The following NOTCH1 variants were observed in gnomAD, a reference collection of about 807,000 sequenced individuals.
The protein encoded by NOTCH1 is neurogenic locus notch homolog protein 1.
A neutral mutation model predicts 254.8 loss-of-function variants in NOTCH1; 37 were observed. The observed-to-expected ratio is 0.15, with a 90% confidence interval of 0.11 to 0.19. NOTCH1 has a LOEUF of 0.19. Among genes scored for constraint, NOTCH1 ranks in the 10% least tolerant of loss-of-function variants. NOTCH1 has a pLI of 1.00. For missense variants in NOTCH1, 2,972 were observed against 3,708.6 expected (o/e 0.80, Z 5.16); for synonymous variants, 1,731 against 1,618.1 (o/e 1.07, Z -1.68).
rs758471372 is a variant in NOTCH1 at position 136,508,312 on chromosome 9, C to T, written c.3245G>A (p.Arg1082His). 3.3e-5 allele frequency: 53 copies of T among 1,612,954 alleles called. No homozygotes were observed. The highest frequency in any genetic ancestry group is 3.3e-4 in the Middle Eastern group (2 of 6,058). ...GKCWQTHTQYRCECPSGWTGL... is the reference protein window; with the variant it reads ...GKCWQTHTQYHCECPSGWTGL... ...GGTCCAGCCGCTGGGGCACTCGCAG[C>T]GGTACTGGGTGTGGGTCTGCCAGCA... is the stretch of plus-strand genomic sequence containing the variant. Residue 1082 changes from arginine to histidine, a missense_variant, in exon 20 of 34, where the codon CGC (arginine) becomes CAC (histidine). Physicochemically the swap from Arg to His is conservative, Grantham distance 29. This residue lies in a region of NOTCH1 where 1,343 missense variants were observed against 1,557.0 expected (regional missense o/e 0.86). Transcript: ENST00000651671.
chr9:136,532,008 C>G (rs547162439), intron 2 of NOTCH1, among the ~76,000 whole-genome samples: 1 of 152,242 alleles, frequency 6.6e-6, no homozygotes, highest in Admixed American at 6.5e-5. Context: ...TACTGGCCCA[C>G]TGTGCCCCTG....
At chr9:136,508,739 C>T (rs1420590995) in intron 19 of NOTCH1, 131 bp downstream of exon 19, 1 of 890,222 alleles carries the variant, frequency 1.1e-6, no homozygotes, top group Non-Finnish European at 1.7e-6. Context: ...TCCCCAGAAA[C>T]CCTCTGCCCG....
chr9:136,497,447 G>A lies in NOTCH1; in HGVS notation c.6292C>T (p.Arg2098Cys), dbSNP rs765618237. Residue 2098 changes from arginine to cysteine, a missense_variant, in exon 34 of 34, where the codon CGC becomes TGC. Arg to Cys is a radical substitution (Grantham distance 180, BLOSUM62 -3). Transcript: ENST00000651671. ...DITDHMDRLP[R>C]DIAQERMHHD... is the part of the protein sequence containing the mutation. The stretch of plus-strand genomic sequence containing the variant: ...TGCATGCGCTCCTGTGCGATGTCGC[G>A]CGGCAGGCGGTCCATATGATCCGTG... The A allele has an allele frequency of 6.2e-6, 10 of 1,612,368 alleles. No individual in the cohort carries two copies. Among genetic ancestry groups the A allele is most frequent in the East Asian group, 2.2e-5 (1 of 44,876 alleles).
At chr9:136,518,459 G>A (rs532088682) in intron 6 of NOTCH1, 132 bp downstream of exon 6, 20 of 1,114,406 alleles carry the variant, frequency 1.8e-5, no homozygotes, top group African/African-American at 1.4e-4. Flanking sequence ...AGCGACCACC[G>A]GCCTCCCTGA....
chr9:136,496,322 C>T lies in NOTCH1; in HGVS notation c.7417G>A (p.Val2473Ile), dbSNP rs1358523874. ...ALPTSLPSSLVPPVTAAQFLT... is the reference protein window; with the variant it reads ...ALPTSLPSSLIPPVTAAQFLT... ...AACTGGGCTGCGGTCACGGGTGGGA[C>T]CAGCGAGGATGGCAGCGACGTGGGC... The change falls in exon 34 of 34, where the codon GTC becomes ATC. Residue 2473 changes from valine (V) to isoleucine (I), a missense_variant. By Grantham distance (29) the Val-to-Ile change is conservative (BLOSUM62 3). Transcript: ENST00000651671. The T allele has an allele frequency of 4.4e-6, 7 of 1,595,044 alleles. No individual in the cohort carries two copies. Among genetic ancestry groups the T allele is most frequent in the African/African-American group, 1.3e-5 (1 of 74,734 alleles).
intron 2 of NOTCH1, among the ~76,000 whole-genome samples, chr9:136,534,289 A>G (rs972506579): frequency 6.6e-6 from 1 of 152,208 alleles, no homozygotes; most frequent in African/African-American, 2.4e-5. Flanking sequence ...TGTCAACAGA[A>G]TGTCAAGGGG....
rs757448266 is a variant in NOTCH1 at position 136,500,858 on chromosome 9, A to G, written c.5639-11T>C. The G allele has an allele frequency of 8.2e-6, 13 of 1,581,932 alleles. No individual in the cohort carries two copies. Among genetic ancestry groups the G allele is most frequent in the Middle Eastern group, 2.1e-4 (1 of 4,706 alleles). On this transcript the variant is annotated splice_polypyrimidine_tract_variant and intron_variant, in intron 30 of 33. Transcript: ENST00000651671. Reference sequence around the variant, plus strand: ...GCGGGGTGAAGCCATCTGCAGAGGCAGAGACGGGTGCTCAGTCTGGAGGGC... The same window carrying G: ...GCGGGGTGAAGCCATCTGCAGAGGCGGAGACGGGTGCTCAGTCTGGAGGGC...
chr9:136,498,790 G>A lies in NOTCH1; in HGVS notation c.6180+109C>T, dbSNP rs113566917. On this transcript the variant is annotated intron_variant, in intron 33 of 33. Transcript: ENST00000651671. ...CCCACATGCGGGCCCAGCGACCCTCGAGACCCTGTGGGTCAGGCCCTTGTG... is the reference window on the plus strand; with the variant it reads ...CCCACATGCGGGCCCAGCGACCCTCAAGACCCTGTGGGTCAGGCCCTTGTG... 8.1e-5 allele frequency: 107 copies of A among 1,326,434 alleles called. No homozygotes were observed. In the African/African-American group the frequency reaches 1.2e-3, roughly 15 times the overall value. 82.2% of individuals were successfully genotyped at this position (1,326,434 alleles called of 1,614,324 possible).
At chr9:136,520,694 C>T (rs893975065) in intron 4 of NOTCH1, among the ~76,000 whole-genome samples, 7 of 151,104 alleles carry the variant, frequency 4.6e-5, no homozygotes, top group African/African-American at 1.5e-4. Context: ...GCTGAGGGCA[C>T]GTCACTGTAC....
chr9:136,502,454 C>G lies in NOTCH1; in HGVS notation c.5202G>C (p.Leu1734=). The G allele has an allele frequency of 6.3e-7, 1 of 1,598,254 alleles. No homozygotes were observed. Among genetic ancestry groups the G allele is most frequent in the South Asian group, 1.1e-5 (1 of 90,344 alleles). ...CGGCCGCCGCCACGTACATGAAGTG[C>G]AGCTGCGCCGGCGGGGGCGGCTCCA... ...ETVEPPPPAQ[L]HFMYVAAAAF... Residue 1734 remains leucine (L), a synonymous_variant, in exon 28 of 34, where the codon CTG becomes CTC. Transcript: ENST00000651671.
In NOTCH1 at chr9:136,495,581, G is replaced by A. The variant is rs1342236273; in HGVS notation, c.*490C>T. The A allele has an allele frequency of 4.7e-5, 19 of 400,136 alleles. No homozygotes were observed. Among genetic ancestry groups the A allele is most frequent in the Non-Finnish European group, 6.6e-5 (15 of 227,084 alleles). The allele number at this position is 400,136 out of a possible 1,614,324, so 24.8% of individuals were successfully genotyped here. Reference sequence around the variant, plus strand: ...AACAGGCAGGTGATGCTGGTGGAGCGGCCGGGCTGGCTTGGGGTTGGGTGG... The same window carrying A: ...AACAGGCAGGTGATGCTGGTGGAGCAGCCGGGCTGGCTTGGGGTTGGGTGG... On this transcript the variant is annotated 3_prime_UTR_variant, in exon 34 of 34. Coordinates refer to ENST00000651671, the MANE Select transcript of NOTCH1 (RefSeq NM_017617.5).
In NOTCH1 at chr9:136,496,728, T is replaced by G. The variant is rs766464482; in HGVS notation, c.7011A>C (p.Thr2337=). Residue 2337 remains threonine (T), a synonymous_variant, in exon 34 of 34, where the codon ACA becomes ACC. Transcript: ENST00000651671. ...RGSVAPGPLS[T]QAPSLQHGMV... ...TGCCATGCTGCAGGGAGGGGGCCTG[T>G]GTGCTCAGGGGGCCTGGTGCCACAC... 9.3e-6 allele frequency: 15 copies of G among 1,612,668 alleles called. No homozygotes were observed. Among genetic ancestry groups the G allele is most frequent in the Non-Finnish European group, 1.3e-5 (15 of 1,180,002 alleles).
chr9:136,523,790 G>C lies in NOTCH1; in HGVS notation c.330C>G (p.Pro110=), dbSNP rs760752001. 1.2e-6 allele frequency: 2 copies of C among 1,611,880 alleles called. No homozygotes were observed. The highest frequency in any genetic ancestry group is 4.5e-5 in the East Asian group (2 of 44,862). Residue 110 remains proline (P), a synonymous_variant, in exon 3 of 34, where the codon CCC becomes CCG. Transcript: ENST00000651671. ...GGTCGCAGGTGCCCCCGTTGCGGCA[G>C]GGGTTGGTGAGGCAGGCATTGTCCA... The part of the protein sequence containing the change: ...TPLDNACLTN[P]CRNGGTCDLL...
intron 2 of NOTCH1, among the ~76,000 whole-genome samples, chr9:136,539,559 T>G (rs1843702278): frequency 6.6e-6 from 1 of 152,180 alleles, no homozygotes; most frequent in Non-Finnish European, 1.5e-5. Context: ...TGGGTAATTT[T>G]TGTATTTTTA....
Position 136,500,625 on chromosome 9 carries a change from G to C in NOTCH1, c.5861C>G (p.Ala1954Gly), listed in dbSNP as rs2133325784. The C allele has an allele frequency of 6.2e-7, 1 of 1,612,080 alleles. No homozygotes were observed. Among genetic ancestry groups the C allele is most frequent in the Admixed American group, 1.7e-5 (1 of 60,026 alleles). ...GCGGCCCATGTTGTCCTGGATGTTG[G>C]CATCTGCGCTGGCCTCCAGCAGGCG... ...AKRLLEASADANIQDNMGRTP... is the reference protein window; with the variant it reads ...AKRLLEASADGNIQDNMGRTP... The change falls in exon 31 of 34, where the codon GCC becomes GGC. Residue 1954 changes from alanine (A) to glycine (G), a missense_variant. By Grantham distance (60) the Ala-to-Gly change is moderately conservative (BLOSUM62 0). Transcript: ENST00000651671.
In NOTCH1 at chr9:136,545,078, A is replaced by G. The variant is rs933875256; in HGVS notation, c.61+648T>C. On this transcript the variant is annotated intron_variant, in intron 1 of 33. Transcript: ENST00000651671. The surrounding 1 kb of genome is among the most constrained non-coding windows in gnomAD (Gnocchi z 6.8). ...ACCCGCGTCCCGCTCTCCGCCCCCA[A>G]GCTTTCCAAACTTCAACTCCGCAAA... Among the ~76,000 whole-genome samples the G allele has an allele frequency of 1.3e-5, 2 of 151,872 alleles. No individual in the cohort carries two copies. Among genetic ancestry groups the G allele is most frequent in the Non-Finnish European group, 2.9e-5 (2 of 67,950 alleles).
At chr9:136,533,723 C>G (rs769776240) in intron 2 of NOTCH1, among the ~76,000 whole-genome samples, 1 of 152,240 alleles carries the variant, frequency 6.6e-6, no homozygotes, top group Non-Finnish European at 1.5e-5. Flanking sequence ...CCTCAGCCCC[C>G]GGGCAGGCTC....
chr9:136,517,644 G>C (rs908566921), intron 8 of NOTCH1, 108 bp downstream of exon 8: 6 of 1,372,308 alleles, frequency 4.4e-6, no homozygotes, highest in Non-Finnish European at 6.1e-6. Flanking sequence ...GGCCCAGAAG[G>C]CATGGAGGCT....
chr9:136,515,905 G>C (rs1843260172), intron 10 of NOTCH1, 76 bp downstream of exon 10: 1 of 1,298,478 alleles, frequency 7.7e-7, no homozygotes, highest in East Asian at 2.4e-5. Context: ...AGGTGTCCAT[G>C]ACCTTGTCAG....
Sources: gnomAD v4.1 joint callset for allele counts (sites outside exome capture counted in the v4.1 genomes callset) on GRCh38, gnomAD v4.1.1 for gene constraint, gnomAD v4.1.1 regional missense constraint, Gnocchi (gnomAD v3.1) non-coding constraint, MANE v1.5 for transcripts, NCBI Gene and HGNC (gene_info 2026-07-23, HGNC 2026-07-21) for gene names.